Variants in ARHGEF9 observed in about 807,000 individuals in gnomAD.
The protein encoded by ARHGEF9 is rho guanine nucleotide exchange factor 9.
A neutral mutation model predicts 41.3 loss-of-function variants in ARHGEF9; 2 were observed. That is an observed-to-expected ratio of 0.05 (90% CI 0.02 to 0.15). The LOEUF is 0.15. ARHGEF9 is among the 10% of genes least tolerant of loss of function. ARHGEF9 has a pLI of 1.00. For missense variants in ARHGEF9, 225 were observed against 424.7 expected (o/e 0.53, Z 4.13); for synonymous variants, 160 against 154.4 (o/e 1.04, Z -0.27).
intron 1 of ARHGEF9, among the ~76,000 whole-genome samples, chrX:63,744,077 G>A (rs1556430388): frequency 8.9e-6 from 1 of 111,819 alleles, no homozygotes; most frequent in African/African-American, 3.3e-5. Context: ...TTTGTTCAAG[G>A]TCACACAGCA....
chrX:63,754,850 G>C, intron 1 of ARHGEF9: 1 of 939,314 alleles, frequency 1.1e-6, no homozygotes, highest in Non-Finnish European at 1.3e-6. Context: ...AGTCGGCAGA[G>C]TCCAGCATTC....
intron 2 of ARHGEF9, chrX:63,716,186 G>A (rs1220382980): frequency 9.1e-6 from 1 of 110,210 alleles, no homozygotes; most frequent in Non-Finnish European, 1.9e-5. Context: ...TACTCAGGAG[G>A]CTGAGGTGGC....
intron 6 of ARHGEF9, among the ~76,000 whole-genome samples, chrX:63,672,768 A>G (rs1197875564): frequency 9.0e-6 from 1 of 111,457 alleles, no homozygotes; most frequent in Non-Finnish European, 1.9e-5. Context: ...AGGCCAGCTA[A>G]TCCACCTTAA....
chrX:63,713,451 A>C (rs1340628381), intron 2 of ARHGEF9, among the ~76,000 whole-genome samples: 1 of 109,855 alleles, frequency 9.1e-6, no homozygotes, highest in Non-Finnish European at 1.9e-5. Context: ...AGATAATTCT[A>C]ATCATTCTAA....
At chrX:63,683,118 C>A (rs1200221996) in intron 4 of ARHGEF9, among the ~76,000 whole-genome samples, 2 of 109,414 alleles carry the variant, frequency 1.8e-5, no homozygotes, top group East Asian at 5.7e-4. Context: ...AAGAAAAAAA[C>A]CTGTTAGAAA....
At chrX:63,735,516 G>A (rs1276735814) in intron 1 of ARHGEF9, among the ~76,000 whole-genome samples, 1 of 111,617 alleles carries the variant, frequency 9.0e-6, no homozygotes, top group Non-Finnish European at 1.9e-5. Context: ...TTAAAATCTT[G>A]TAGAGAAAGG....
intron 1 of ARHGEF9, chrX:63,737,077 C>T (rs1201744421): frequency 8.9e-6 from 1 of 111,795 alleles, no homozygotes; most frequent in East Asian, 2.8e-4. Context: ...AAACCAGAAC[C>T]TGACTTTCCC....
chrX:63,651,972 G>C (rs1417736115), intron 8 of ARHGEF9, among the ~76,000 whole-genome samples: 1 of 110,959 alleles, frequency 9.0e-6, no homozygotes, highest in East Asian at 2.8e-4. Flanking sequence ...GAAACAAATA[G>C]ATACTATCCA....
intron 8 of ARHGEF9, among the ~76,000 whole-genome samples, chrX:63,648,046 A>C (rs1271710780): frequency 5.4e-5 from 6 of 111,708 alleles, no homozygotes; most frequent in Non-Finnish European, 9.4e-5. Context: ...ATCCAGGAGA[A>C]CTTCCCCAAT....
chrX:63,712,185 G>C (rs1481937949), intron 2 of ARHGEF9, among the ~76,000 whole-genome samples: 3 of 112,045 alleles, frequency 2.7e-5, no homozygotes, highest in Non-Finnish European at 3.8e-5. Context: ...AATGTAAAAT[G>C]GTAGAGCTGC....
At chrX:63,739,325 C>G (rs2054808450) in intron 1 of ARHGEF9, among the ~76,000 whole-genome samples, 1 of 111,478 alleles carries the variant, frequency 9.0e-6, no homozygotes, top group Admixed American at 9.5e-5. Context: ...TTCCAACATG[C>G]AGGAGACAGC....
rs181806169 is a variant in ARHGEF9, at chrX:63,715,184, T to C, written c.211-8735A>G. On this transcript the variant is annotated intron_variant, in intron 2 of 9. Transcript: ENST00000671741. Reference sequence around the variant, plus strand: ...TTCATGGAATTATCCTGCTTAGACGTTGATAGAATTTAGGTTAATTAGTTA... The same window carrying C: ...TTCATGGAATTATCCTGCTTAGACGCTGATAGAATTTAGGTTAATTAGTTA... Among the ~76,000 whole-genome samples, 10 of 112,224 alleles carry C rather than the reference T, an allele frequency of 8.9e-5. No individual in the cohort carries two copies. The East Asian group carries it at 2.5e-3, about 28-fold the overall frequency.
rs782796694 is a variant in ARHGEF9 at position 63,714,974 on chromosome X, G to A, written c.211-8525C>T. ...GGAGACTTACTTAGTCGAGGCTGGA[G>A]GTATTGATGATTTCTGCCCATGACA... On this transcript the variant is annotated intron_variant, in intron 2 of 9. Transcript: ENST00000671741. Among the ~76,000 whole-genome samples the A allele has an allele frequency of 8.9e-5, 10 of 111,921 alleles. No individual in the cohort carries two copies. The East Asian group carries it at 2.5e-3, about 28-fold the overall frequency.
chrX:63,768,978 G>A (rs1451601810), intron 1 of ARHGEF9, among the ~76,000 whole-genome samples: 1 of 111,632 alleles, frequency 9.0e-6, no homozygotes, highest in African/African-American at 3.3e-5. Flanking sequence ...TACCGGGAGT[G>A]GGGTGCTACT....
At chrX:63,760,540 T>C (rs1447044941) in intron 1 of ARHGEF9, among the ~76,000 whole-genome samples, 3 of 111,900 alleles carry the variant, frequency 2.7e-5, no homozygotes, top group African/African-American at 9.7e-5. Flanking sequence ...GTGATGCACA[T>C]AATTTCAATG....
At chrX:63,689,887 C>T (rs2051230077) in intron 4 of ARHGEF9, among the ~76,000 whole-genome samples, 1 of 111,665 alleles carries the variant, frequency 9.0e-6, no homozygotes, top group South Asian at 3.7e-4. Context: ...TACATTGCTC[C>T]TGAATGATCA....
chrX:63,697,316 G>C lies in ARHGEF9; in HGVS notation c.403-12C>G. 8.3e-7 allele frequency: 1 copy of C among 1,209,066 alleles called. No individual in the cohort carries two copies. The highest frequency in any genetic ancestry group is 1.8e-5 in the South Asian group (1 of 56,900). ...TGCTTCAGATAGCCCTGTAGACAAA[G>C]AAAAAGCCTAGGCTGAGGAAGTCCC... On this transcript the variant is annotated splice_polypyrimidine_tract_variant and intron_variant, in intron 3 of 9. Coordinates refer to ENST00000671741, the MANE Select transcript of ARHGEF9 (RefSeq NM_001353921.2).
intron 2 of ARHGEF9, among the ~76,000 whole-genome samples, chrX:63,712,242 AC>A (rs1312793146): frequency 8.9e-6 from 1 of 112,194 alleles, no homozygotes; most frequent in Non-Finnish European, 1.9e-5. Context: ...GCATATAGTT[AC>A]CATATGATTC....
chrX:63,660,227 T>C (rs2049133401), intron 7 of ARHGEF9, among the ~76,000 whole-genome samples: 1 of 111,654 alleles, frequency 9.0e-6, no homozygotes, highest in Admixed American at 9.5e-5. Flanking sequence ...ATAAATGAAA[T>C]CATGCCTTTT....
Sources: allele counts gnomAD v4.1 joint callset (sites outside exome capture counted in the v4.1 genomes callset), GRCh38; gene constraint gnomAD v4.1.1; transcripts MANE v1.5; gene names NCBI Gene and HGNC (gene_info 2026-07-23, HGNC 2026-07-21).